The following GABRG2 variants were observed in gnomAD, a reference collection of about 807,000 sequenced individuals.
GABRG2 encodes gamma-aminobutyric acid type A receptor subunit gamma2, also known as gamma-aminobutyric acid receptor subunit gamma-2.
In GABRG2, 16 loss-of-function variants were observed where a neutral mutation model predicts 56.4. That is an observed-to-expected ratio of 0.28 (90% CI 0.19 to 0.43). The LOEUF (loss-of-function observed/expected upper bound fraction) is 0.43. Among genes scored for constraint, GABRG2 ranks in the 20% least tolerant of loss-of-function variants. The pLI is 1.00. For missense variants in GABRG2, 327 were observed against 582.7 expected, an observed-to-expected ratio of 0.56 and a Z score of 4.52; for synonymous variants, 208 against 205.5, an observed-to-expected ratio of 1.01 and a Z score of -0.10.
chr5:162,108,571 G>A (rs1388750832), intron 6 of GABRG2, among the ~76,000 whole-genome samples: 1 of 152,104 alleles, frequency 6.6e-6, no homozygotes, highest in Non-Finnish European at 1.5e-5. Context: ...ACAACTTGAA[G>A]CGATTTTTAA....
At chr5:162,090,931 A>G (rs1760525874) in intron 1 of GABRG2, among the ~76,000 whole-genome samples, 1 of 152,164 alleles carries the variant, frequency 6.6e-6, no homozygotes, top group Non-Finnish European at 1.5e-5. Context: ...TTATTCCTAG[A>G]TAGCCTATCT....
chr5:162,153,268 A>C lies in GABRG2; in HGVS notation c.1328A>C (p.His443Pro). The change falls in exon 10 of 10, where the codon CAT (histidine) becomes CCT (proline). Residue 443 changes from histidine (H) to proline (P), a missense_variant. Physicochemically the swap from His to Pro is moderately conservative, Grantham distance 77. Transcript: ENST00000639213. ...RTGAWRHGRI[H>P]IRIAKMDSYA... ...GGAGCTTGGAGACATGGGAGGATAC[A>C]TATCCGCATTGCCAAAATGGACTCC... is the stretch of plus-strand genomic sequence containing the variant. 2 of 1,614,028 alleles carry C rather than the reference A, an allele frequency of 1.2e-6. No individual in the cohort carries two copies. The highest frequency in any genetic ancestry group is 1.7e-6 in the Non-Finnish European group (2 of 1,179,964).
At chr5:162,091,905 GAGAGAA>G (rs1471389313) in intron 1 of GABRG2, among the ~76,000 whole-genome samples, 2 of 152,066 alleles carry the variant, frequency 1.3e-5, no homozygotes, top group Non-Finnish European at 2.9e-5. Context: ...TGTGTCTTGA[GAGAGAA>G]AGAGAAAGAG....
intron 4 of GABRG2, chr5:162,100,512 A>C (rs1448888654): frequency 6.6e-6 from 1 of 152,150 alleles, no homozygotes; most frequent in Non-Finnish European, 1.5e-5. Context: ...CTGGAGTTCC[A>C]GCCCAGGACT....
intron 6 of GABRG2, among the ~76,000 whole-genome samples, chr5:162,136,811 C>G (rs1418415715): frequency 6.6e-6 from 1 of 152,094 alleles, no homozygotes; most frequent in Non-Finnish European, 1.5e-5. Context: ...ATGTGCCTGT[C>G]AGAAAGTTTA....
At chr5:162,130,920 A>G (rs1763697059) in intron 6 of GABRG2, among the ~76,000 whole-genome samples, 1 of 151,988 alleles carries the variant, frequency 6.6e-6, no homozygotes, top group Non-Finnish European at 1.5e-5. Context: ...GTCATCATCT[A>G]AACAGTAATC....
At chr5:162,123,121 G>A (rs1763086403) in intron 6 of GABRG2, among the ~76,000 whole-genome samples, 1 of 151,656 alleles carries the variant, frequency 6.6e-6, no homozygotes, top group South Asian at 2.1e-4. Context: ...ATAATTAAAA[G>A]ATGACTAAAT....
intron 8 of GABRG2, 52 bp downstream of exon 8, chr5:162,149,365 G>A (rs761345397): frequency 5.7e-6 from 9 of 1,578,482 alleles, no homozygotes; most frequent in Non-Finnish European, 6.9e-6. Context: ...TTTCGGTTTA[G>A]TTTGTTTTCA....
rs536878197 is a variant in GABRG2 at position 162,082,864 on chromosome 5, G to T, written c.108-10964G>T. ...CTTTTAAAGCGAACAATAAAACCTT[G>T]ATTTTGAGAAAATATTTTATCTATA... On this transcript the variant is annotated intron_variant, in intron 1 of 9. Transcript: ENST00000639213. 9.9e-5 allele frequency among the ~76,000 whole-genome samples: 15 copies of T among 151,690 alleles called. No individual in the cohort carries two copies. The South Asian group carries it at 2.9e-3, about 29-fold the overall frequency.
rs1306150336 is a variant in GABRG2, at chr5:162,089,606, AAT to A, written c.108-4221_108-4220del. Among the ~76,000 whole-genome samples the A allele has an allele frequency of 3.3e-5, 5 of 152,208 alleles. No individual in the cohort carries two copies. The East Asian group carries it at 9.6e-4, about 29-fold the overall frequency. On this transcript the variant is annotated intron_variant, in intron 1 of 9. Coordinates refer to ENST00000639213, the MANE Select transcript of GABRG2 (RefSeq NM_198904.4). ...GTACCAAGAAAATATTAGTGACACCAATGTTATGAAAGGAAACATTAAAAATA... is the reference window on the plus strand; with the variant it reads ...GTACCAAGAAAATATTAGTGACACCAGTTATGAAAGGAAACATTAAAAATA...
At chr5:162,139,381 G>A (rs1167342833) in intron 6 of GABRG2, among the ~76,000 whole-genome samples, 1 of 152,190 alleles carries the variant, frequency 6.6e-6, no homozygotes, top group East Asian at 1.9e-4. Flanking sequence ...TACAAAAAGC[G>A]ACGTGGCCTT....
intron 6 of GABRG2, among the ~76,000 whole-genome samples, chr5:162,141,173 A>G (rs1315775431): frequency 6.6e-6 from 1 of 151,862 alleles, no homozygotes; most frequent in African/African-American, 2.4e-5. Flanking sequence ...AGTAGCTGGG[A>G]CTACAGGCGC....
chr5:162,127,320 A>C (rs1272543201), intron 6 of GABRG2, among the ~76,000 whole-genome samples: 7 of 151,932 alleles, frequency 4.6e-5, no homozygotes, highest in Admixed American at 3.9e-4. Context: ...CCAAAATTAA[A>C]AGTATGCTAG....
At chr5:162,124,616 TGG>T (rs1354983488) in intron 6 of GABRG2, among the ~76,000 whole-genome samples, 9 of 151,764 alleles carry the variant, frequency 5.9e-5, no homozygotes, top group African/African-American at 2.2e-4. Context: ...AGAGAGAGGC[TGG>T]TAGTGTTATT....
chr5:162,124,808 T>C (rs1763214470), intron 6 of GABRG2, among the ~76,000 whole-genome samples: 1 of 151,848 alleles, frequency 6.6e-6, no homozygotes. Context: ...TAAATATTCC[T>C]AATAGCTAAT....
At chr5:162,110,364 T>C (rs1394915858) in intron 6 of GABRG2, among the ~76,000 whole-genome samples, 4 of 152,112 alleles carry the variant, frequency 2.6e-5, no homozygotes, top group African/African-American at 9.7e-5. Context: ...TATCCCAAAG[T>C]CTCTGCTCCT....
intron 1 of GABRG2, among the ~76,000 whole-genome samples, chr5:162,069,123 C>T: frequency 6.6e-6 from 1 of 152,118 alleles, no homozygotes; most frequent in Non-Finnish European, 1.5e-5. Context: ...TTTACTTGAA[C>T]TTTCCTGAGC....
In GABRG2 at chr5:162,098,071, G is replaced by A. The variant is rs1581351679; in HGVS notation, c.548+213G>A. 2.3e-5 allele frequency: 13 copies of A among 575,880 alleles called. No homozygotes were observed. The East Asian group carries it at 3.8e-4, about 17-fold the overall frequency. The allele number at this position is 575,880 out of a possible 1,614,324, so 35.7% of individuals were successfully genotyped here. ...TTTCAAAGCACTAATTATAGGCAAA[G>A]CTTATTTTCCACAACTGCTGTGAAA... On this transcript the variant is annotated intron_variant, in intron 4 of 9. Coordinates refer to ENST00000639213, the MANE Select transcript of GABRG2 (RefSeq NM_198904.4).
rs183259247 is a variant in GABRG2 at position 162,068,023 on chromosome 5, C to A, written c.24C>A (p.Ser8Arg). 29 of 1,612,180 alleles carry A rather than the reference C, an allele frequency of 1.8e-5. No homozygotes were observed. In the East Asian group the frequency reaches 5.6e-4, roughly 31 times the overall value. Reference protein sequence around the residue: MSSPNIWSTGSSVYSTPV... With the variant: MSSPNIWRTGSSVYSTPV... ...CGATGAGTTCGCCAAATATATGGAG[C>A]ACAGGAAGCTCAGTCTACTCGACTC... The change falls in exon 1 of 10, where the codon AGC (serine) becomes AGA (arginine). Residue 8 changes from serine (S) to arginine (R), a missense_variant. Physicochemically the swap from Ser to Arg is moderately radical, Grantham distance 110 (BLOSUM62 -1). Coordinates refer to ENST00000639213, the MANE Select transcript of GABRG2 (RefSeq NM_198904.4).
Sources: allele counts gnomAD v4.1 joint callset (sites outside exome capture counted in the v4.1 genomes callset), GRCh38; gene constraint gnomAD v4.1.1; transcripts MANE v1.5; gene names NCBI Gene and HGNC (gene_info 2026-07-23, HGNC 2026-07-21).